TRRAP: variants seen among roughly 807,000 people sequenced by gnomAD.
TRRAP encodes transformation/transcription domain associated protein, also known as transformation/transcription domain-associated protein.
TRRAP carries 41 observed loss-of-function variants against 438.8 expected under a neutral mutation model. The observed-to-expected ratio is 0.09, with a 90% CI of 0.07 to 0.12. The LOEUF (loss-of-function observed/expected upper bound fraction) is 0.12. Among genes scored for constraint, TRRAP ranks in the 10% least tolerant of loss-of-function variants. The pLI is 1.00. For missense variants in TRRAP, 3,122 were observed against 5,055.1 expected, an observed-to-expected ratio of 0.62 and a Z score of 11.60; for synonymous variants, 1,994 against 1,962.9, an observed-to-expected ratio of 1.02 and a Z score of -0.42.
In TRRAP at chr7:98,964,721, G is replaced by A. The variant is rs148382142; in HGVS notation, c.6922G>A (p.Val2308Ile). 164 of 1,613,484 alleles carry A rather than the reference G, an allele frequency of 1.0e-4. No homozygotes were observed. The highest frequency in any genetic ancestry group is 1.3e-4 in the Non-Finnish European group (158 of 1,179,824). ...SVFMRSLQKM[V>I]REHLNPQAAS... Reference sequence around the variant, plus strand: ...CTTTATGCGCTCCCTGCAGAAGATGGTCCGGGAGCATTTAAACCCTCAGGC... The same window carrying A: ...CTTTATGCGCTCCCTGCAGAAGATGATCCGGGAGCATTTAAACCCTCAGGC... Residue 2308 changes from valine (V) to isoleucine (I), a missense_variant, in exon 48 of 73, where the codon GTC becomes ATC. Coordinates refer to ENST00000456197, the MANE Select transcript of TRRAP (RefSeq NM_001375524.1).
intron 69 of TRRAP, among the ~76,000 whole-genome samples, chr7:99,006,260 T>A (rs1413179926): frequency 1.3e-5 from 2 of 152,238 alleles, no homozygotes; most frequent in African/African-American, 4.8e-5. Context: ...CTGCAATGTA[T>A]GTTATCTAGT....
intron 26 of TRRAP, 26 bp from the exon 27 acceptor site, chr7:98,933,215 T>A (rs1554413360): frequency 1.9e-6 from 3 of 1,594,048 alleles, no homozygotes; most frequent in Admixed American, 1.7e-5. Context: ...AGCTGGTGAG[T>A]GGTGCCTCCT....
chr7:98,946,553 A>C (rs1216310749), intron 33 of TRRAP, among the ~76,000 whole-genome samples: 2 of 148,662 alleles, frequency 1.3e-5, no homozygotes, highest in Non-Finnish European at 3.0e-5. Context: ...CACTCACACC[A>C]CACATGCACA....
At chr7:98,920,553 TGGG>T (rs782085592) in intron 20 of TRRAP, among the ~76,000 whole-genome samples, 4 of 151,486 alleles carry the variant, frequency 2.6e-5, no homozygotes, top group Non-Finnish European at 2.9e-5. Context: ...AGACAAAAAA[TGGG>T]GGGAAATTTA....
chr7:98,916,554 A>G (rs974439954), intron 19 of TRRAP, among the ~76,000 whole-genome samples: 3 of 152,184 alleles, frequency 2.0e-5, no homozygotes, highest in Non-Finnish European at 4.4e-5. Context: ...GCTACCCAGG[A>G]GGCAGCAGGG....
intron 45 of TRRAP, 27 bp from the exon 46 acceptor site, chr7:98,961,234 G>T: frequency 6.2e-7 from 1 of 1,608,126 alleles, no homozygotes. Flanking sequence ...TGTTTCCTCT[G>T]TGAGTGGCCT....
Position 99,005,581 on chromosome 7 carries a change from C to T in TRRAP, c.10753+233C>T, listed in dbSNP as rs900355709. Reference sequence around the variant, plus strand: ...AGCTGTGTCCACCTTTCCTCTAAGGCGAGCTTGTCCAACCTGCGGGCTCCA... The same window carrying T: ...AGCTGTGTCCACCTTTCCTCTAAGGTGAGCTTGTCCAACCTGCGGGCTCCA... On this transcript the variant is annotated intron_variant, in intron 69 of 72. Transcript: ENST00000456197. The surrounding 1 kb of genome is among the most constrained non-coding windows in gnomAD (Gnocchi z 5.1). 3.3e-5 allele frequency among the ~76,000 whole-genome samples: 5 copies of T among 152,212 alleles called. No individual in the cohort carries two copies. The highest frequency in any genetic ancestry group is 9.6e-5 in the African/African-American group (4 of 41,456).
chr7:98,962,222 G>T (rs1156273839), intron 46 of TRRAP, 80 bp from the exon 47 acceptor site: 2 of 1,600,488 alleles, frequency 1.2e-6, no homozygotes, highest in Non-Finnish European at 8.5e-7. Flanking sequence ...TACCCAAGCA[G>T]CCAGCACTCA....
At chr7:98,990,095 G>A (rs1793329373) in intron 63 of TRRAP, among the ~76,000 whole-genome samples, 1 of 152,148 alleles carries the variant, frequency 6.6e-6, no homozygotes, top group Admixed American at 6.5e-5. Flanking sequence ...AGGCGTGGTG[G>A]TGTGTGCCTG....
At chr7:98,917,336 A>G in intron 19 of TRRAP, 87 bp from the exon 20 acceptor site, 3 of 1,539,594 alleles carry the variant, frequency 1.9e-6, no homozygotes, top group Non-Finnish European at 2.6e-6. Flanking sequence ...TGCACAAGAG[A>G]AGGAGGGGCA....
At chr7:98,895,180 G>A (rs1796145033) in intron 6 of TRRAP, among the ~76,000 whole-genome samples, 1 of 152,278 alleles carries the variant, frequency 6.6e-6, no homozygotes, top group East Asian at 1.9e-4. Flanking sequence ...TGTCAGGATT[G>A]TAGGCATGAG....
intron 3 of TRRAP, among the ~76,000 whole-genome samples, chr7:98,887,334 G>A (rs1169478805): frequency 6.6e-6 from 1 of 152,186 alleles, no homozygotes; most frequent in Non-Finnish European, 1.5e-5. Flanking sequence ...TTAGTTCAGT[G>A]TTGCAGCATG....
At position 98,927,101 on chromosome 7, in the gene TRRAP, A is replaced by G. The variant is rs1177490762; in HGVS notation, c.2976-66A>G. ...CAAGCAGATTAAAAATTTGAAAAGA[A>G]GTCCTAGTGGAGTCATCAGCTCAGG... On this transcript the variant is annotated intron_variant, in intron 22 of 72. Transcript: ENST00000456197. 8.4e-6 allele frequency: 13 copies of G among 1,555,618 alleles called. No individual in the cohort carries two copies. In the Admixed American group the frequency reaches 2.3e-4, roughly 28 times the overall value.
chr7:98,946,452 A>G (rs116552570), intron 33 of TRRAP, among the ~76,000 whole-genome samples: 207 of 150,474 alleles, frequency 1.4e-3, no homozygotes, highest in African/African-American at 4.4e-3. Flanking sequence ...TGCACTCACA[A>G]CACGCGTGCA....
At chr7:98,894,254 G>C (rs1796095416) in intron 6 of TRRAP, among the ~76,000 whole-genome samples, 1 of 152,186 alleles carries the variant, frequency 6.6e-6, no homozygotes, top group Non-Finnish European at 1.5e-5. Flanking sequence ...CATTGGTTAA[G>C]TTTGTAACCT....
intron 3 of TRRAP, 37 bp from the exon 4 acceptor site, chr7:98,890,298 C>T (rs782223249): frequency 3.7e-6 from 5 of 1,343,452 alleles, no homozygotes; most frequent in Non-Finnish European, 5.0e-6. Context: ...AATACATACA[C>T]ATAACTGAAT....
intron 18 of TRRAP, among the ~76,000 whole-genome samples, chr7:98,913,164 T>C (rs1789357406): frequency 6.6e-6 from 1 of 152,152 alleles, no homozygotes; most frequent in Non-Finnish European, 1.5e-5. Flanking sequence ...CCTGCGCATG[T>C]TTGCTACTTG....
chr7:98,884,769 G>C (rs932195652), intron 3 of TRRAP, among the ~76,000 whole-genome samples: 2 of 152,132 alleles, frequency 1.3e-5, no homozygotes, highest in African/African-American at 4.8e-5. Flanking sequence ...GACCCAGCTT[G>C]CTGAACCCCA....
Position 98,959,414 on chromosome 7 carries a change from A to G in TRRAP, c.6413A>G (p.Lys2138Arg). 1.2e-6 allele frequency: 2 copies of G among 1,613,958 alleles called. No individual in the cohort carries two copies. The highest frequency in any genetic ancestry group is 1.7e-6 in the Non-Finnish European group (2 of 1,179,968). ...TCTCGCCGGTGTGTGAACCTTCTGAAGACTGCGTTGCGGCCAGACATGTGG... is the reference window on the plus strand; with the variant it reads ...TCTCGCCGGTGTGTGAACCTTCTGAGGACTGCGTTGCGGCCAGACATGTGG... ...VLSRRCVNLL[K>R]TALRPDMWPK... The change falls in exon 45 of 73, where the codon AAG becomes AGG. Residue 2138 changes from lysine to arginine, a missense_variant. Physicochemically the swap from Lys to Arg is conservative, Grantham distance 26. Coordinates refer to ENST00000456197, the MANE Select transcript of TRRAP (RefSeq NM_001375524.1).
Sources: allele counts gnomAD v4.1 joint callset (sites outside exome capture counted in the v4.1 genomes callset), GRCh38; gene constraint gnomAD v4.1.1; non-coding constraint Gnocchi (gnomAD v3.1); transcripts MANE v1.5; gene names NCBI Gene and HGNC (gene_info 2026-07-23, HGNC 2026-07-21).